The following SLC24A4 variants were observed in gnomAD, a reference collection of about 807,000 sequenced individuals.
The protein encoded by SLC24A4 is sodium/potassium/calcium exchanger 4.
SLC24A4 carries 53 observed loss-of-function variants against 79.0 expected under a neutral mutation model. The ratio of observed to expected loss-of-function variants is 0.67; its 90% confidence interval spans 0.54 to 0.84. The LOEUF (loss-of-function observed/expected upper bound fraction) is 0.84, where lower values mean the gene tolerates loss of function less well. Ranked by LOEUF, SLC24A4 falls within the 40% of genes least tolerant of loss-of-function variation. The pLI, the probability that SLC24A4 is intolerant of heterozygous loss-of-function variation, is 0.00. For missense variants in SLC24A4, 731 were observed against 822.0 expected (o/e 0.89, Z 1.35); for synonymous variants, 323 against 323.8 (o/e 1.00, Z 0.03).
chr14:92,388,152 C>A (rs758569753), intron 2 of SLC24A4, among the ~76,000 whole-genome samples: 1 of 152,064 alleles, frequency 6.6e-6, no homozygotes, highest in Non-Finnish European at 1.5e-5. Flanking sequence ...CACAGCGTAC[C>A]CCTTTATTGT....
At chr14:92,470,599 T>C (rs1334081977) in intron 12 of SLC24A4, among the ~76,000 whole-genome samples, 3 of 149,538 alleles carry the variant, frequency 2.0e-5, no homozygotes, top group East Asian at 3.8e-4. Context: ...GTGAAAGGAA[T>C]GACGGCAGCC....
At chr14:92,476,106 C>G (rs1436374105) in intron 12 of SLC24A4, among the ~76,000 whole-genome samples, 1 of 152,188 alleles carries the variant, frequency 6.6e-6, no homozygotes, top group Non-Finnish European at 1.5e-5. Context: ...GAAAATTATC[C>G]TTCTACTGTG....
intron 12 of SLC24A4, among the ~76,000 whole-genome samples, chr14:92,474,149 A>G (rs971217931): frequency 6.6e-6 from 1 of 152,224 alleles, no homozygotes; most frequent in African/African-American, 2.4e-5. Context: ...CTTCATCAGC[A>G]TAATATGTGG....
intron 2 of SLC24A4, among the ~76,000 whole-genome samples, chr14:92,330,732 G>A (rs1426926568): frequency 2.0e-5 from 3 of 152,194 alleles, no homozygotes; most frequent in African/African-American, 7.2e-5. Flanking sequence ...GCTCAGAGTG[G>A]CAGAGAGAGA....
In SLC24A4 at chr14:92,441,979, G is replaced by C; in HGVS notation, c.394-110G>C. 1 of 790,946 alleles carries C rather than the reference G, an allele frequency of 1.3e-6. No homozygotes were observed. Among genetic ancestry groups the C allele is most frequent in the East Asian group, 2.7e-5 (1 of 37,606 alleles). 49.0% of individuals were successfully genotyped at this position (790,946 alleles called of 1,614,324 possible). ...TGAGAGGCTGCAGGCAGACGAGTTT[G>C]CCTCTGGCTGCAGCACTGCTCTCCT... On this transcript the variant is annotated intron_variant, in intron 4 of 16. Transcript: ENST00000532405. The surrounding 1 kb of genome is among the most constrained non-coding windows in gnomAD (Gnocchi z 4.6).
At chr14:92,452,007 C>G (rs1893168020) in intron 10 of SLC24A4, 1 of 152,248 alleles carries the variant, frequency 6.6e-6, no homozygotes, top group South Asian at 2.1e-4. Flanking sequence ...TCAGGGGACA[C>G]CAGGACAAGC....
At chr14:92,373,731 A>G (rs1888337757) in intron 2 of SLC24A4, among the ~76,000 whole-genome samples, 1 of 152,192 alleles carries the variant, frequency 6.6e-6, no homozygotes, top group Non-Finnish European at 1.5e-5. Flanking sequence ...AACACTCTTC[A>G]CTTAGTTGTG....
In SLC24A4 at chr14:92,499,642, G is replaced by T. The variant is rs572649828; in HGVS notation, c.*6014G>T. On this transcript the variant is annotated 3_prime_UTR_variant, in exon 17 of 17. Coordinates refer to ENST00000532405, the MANE Select transcript of SLC24A4 (RefSeq NM_153646.4). ...GCTCAAGTGATCCTCCTGAAAAGTA[G>T]GTAGGACTACAGGCACATGCCACCA... 1 of 150,104 alleles carries T rather than the reference G, an allele frequency of 6.7e-6. No homozygotes were observed. The highest frequency in any genetic ancestry group is 2.0e-4 in the East Asian group (1 of 5,084). The allele number at this position is 150,104 out of a possible 1,614,324, so 9.3% of individuals were successfully genotyped here. A position where few individuals can be genotyped will look rare whatever the true frequency, so the allele number is the denominator to read the frequency against.
intron 2 of SLC24A4, among the ~76,000 whole-genome samples, chr14:92,394,276 A>G (rs1595212385): frequency 6.6e-6 from 1 of 152,024 alleles, no homozygotes; most frequent in African/African-American, 2.4e-5. Context: ...GGGAAATCAC[A>G]TTCATTTGTA....
chr14:92,498,150 T>C lies in SLC24A4; in HGVS notation c.*4522T>C. The stretch of plus-strand genomic sequence containing the variant: ...CATCAACCCCCATCTACCCCGGGCC[T>C]GAAGCGCTGCGCTTGCTCTCTTTAT... On this transcript the variant is annotated 3_prime_UTR_variant, in exon 17 of 17. Coordinates refer to ENST00000532405, the MANE Select transcript of SLC24A4 (RefSeq NM_153646.4). 1 of 152,414 alleles carries C rather than the reference T, an allele frequency of 6.6e-6. No homozygotes were observed. Among genetic ancestry groups the C allele is most frequent in the Non-Finnish European group, 1.5e-5 (1 of 68,098 alleles). The allele number at this position is 152,414 out of a possible 1,614,324, so 9.4% of individuals were successfully genotyped here. A position where few individuals can be genotyped will look rare whatever the true frequency, so the allele number is the denominator to read the frequency against.
At chr14:92,349,460 TAGA>T (rs776051332) in intron 2 of SLC24A4, among the ~76,000 whole-genome samples, 9 of 152,224 alleles carry the variant, frequency 5.9e-5, no homozygotes, top group Non-Finnish European at 1.2e-4. Context: ...GTGCCCAGCC[TAGA>T]AGATGTTTCT....
At chr14:92,465,575 C>T (rs1894057873) in intron 12 of SLC24A4, among the ~76,000 whole-genome samples, 1 of 152,152 alleles carries the variant, frequency 6.6e-6, no homozygotes, top group South Asian at 2.1e-4. Flanking sequence ...CGAGGGAGCT[C>T]TGGGCCCGGC....
At chr14:92,472,091 G>A (rs906378770) in intron 12 of SLC24A4, among the ~76,000 whole-genome samples, 2 of 152,120 alleles carry the variant, frequency 1.3e-5, no homozygotes, top group Non-Finnish European at 2.9e-5. Context: ...ACTTTCATGT[G>A]CAAAGCAATC....
intron 2 of SLC24A4, among the ~76,000 whole-genome samples, chr14:92,414,197 C>A (rs1024868591): frequency 6.6e-6 from 1 of 152,070 alleles, no homozygotes; most frequent in African/African-American, 2.4e-5. Context: ...TTGTAGGGGG[C>A]TGTCCTGTGC....
At chr14:92,401,716 T>G (rs1242719464) in intron 2 of SLC24A4, among the ~76,000 whole-genome samples, 1 of 152,178 alleles carries the variant, frequency 6.6e-6, no homozygotes, top group East Asian at 1.9e-4. Context: ...ATCTAACCTC[T>G]CTGTCCCCTA....
At chr14:92,400,236 C>T (rs987557949) in intron 2 of SLC24A4, among the ~76,000 whole-genome samples, 15 of 152,000 alleles carry the variant, frequency 9.9e-5, no homozygotes, top group Admixed American at 2.0e-4. Context: ...GTCAGGAGAT[C>T]GAGAACATCC....
chr14:92,492,131 C>T (rs1245231913), intron 15 of SLC24A4, 44 bp from the exon 16 acceptor site: 2 of 1,584,928 alleles, frequency 1.3e-6, no homozygotes, highest in Admixed American at 1.7e-5. Flanking sequence ...TGGATTGGCT[C>T]TGAGCAGTCA....
At chr14:92,427,885 G>A (rs1204276579) in intron 2 of SLC24A4, among the ~76,000 whole-genome samples, 1 of 152,134 alleles carries the variant, frequency 6.6e-6, no homozygotes, top group African/African-American at 2.4e-5. Context: ...AGTCTTCATG[G>A]TTGGGCTTAG....
chr14:92,358,348 C>T (rs750125130), intron 2 of SLC24A4, among the ~76,000 whole-genome samples: 18 of 152,172 alleles, frequency 1.2e-4, no homozygotes, highest in African/African-American at 3.4e-4. Flanking sequence ...AGATGTCATG[C>T]GTGTAGGTTT....
Sources: allele counts gnomAD v4.1 joint callset (sites outside exome capture counted in the v4.1 genomes callset), GRCh38; gene constraint gnomAD v4.1.1; non-coding constraint Gnocchi (gnomAD v3.1); transcripts MANE v1.5; gene names NCBI Gene and HGNC (gene_info 2026-07-23, HGNC 2026-07-21).